MGLL: variants seen among roughly 807,000 people sequenced by gnomAD.
MGLL encodes the protein lysophospholipase homolog.
MGLL carries 7 observed loss-of-function variants against 29.1 expected under a neutral mutation model. That is an observed-to-expected ratio of 0.24 (90% CI 0.14 to 0.45). The LOEUF is 0.45. MGLL is among the 20% of genes least tolerant of loss of function. MGLL has a pLI of 0.99. For missense variants in MGLL, 356 were observed against 413.6 expected (o/e 0.86, Z 1.21); for synonymous variants, 148 against 168.3 (o/e 0.88, Z 0.93).
At chr3:127,744,763 C>T (rs1181728934) in intron 3 of MGLL, among the ~76,000 whole-genome samples, 1 of 152,116 alleles carries the variant, frequency 6.6e-6, no homozygotes, top group East Asian at 1.9e-4. Context: ...CACCGCCGGA[C>T]ACGGTTTAAT....
intron 5 of MGLL, chr3:127,711,190 A>G (rs543598619): frequency 7.3e-5 from 14 of 191,738 alleles, no homozygotes; most frequent in African/African-American, 3.0e-4. Context: ...TGGCAGAGGG[A>G]AGGATTGCTG....
At chr3:127,798,418 G>A (rs373318234) in intron 2 of MGLL, among the ~76,000 whole-genome samples, 1 of 152,198 alleles carries the variant, frequency 6.6e-6, no homozygotes, top group East Asian at 1.9e-4. Flanking sequence ...GTACCCTGCT[G>A]GGACCCCAGG....
chr3:127,735,043 G>A (rs1319375876), intron 3 of MGLL, among the ~76,000 whole-genome samples: 1 of 152,268 alleles, frequency 6.6e-6, no homozygotes, highest in Non-Finnish European at 1.5e-5. Flanking sequence ...GGAGCCCGAC[G>A]TGGGAGTCTT....
At chr3:127,736,412 A>G in intron 3 of MGLL, 1 of 919,572 alleles carries the variant, frequency 1.1e-6, no homozygotes, top group Non-Finnish European at 1.3e-6. Flanking sequence ...AATGAGTCAC[A>G]AAGAGTAAAT....
intron 7 of MGLL, among the ~76,000 whole-genome samples, chr3:127,694,101 C>G (rs1454092142): frequency 6.6e-6 from 1 of 151,850 alleles, no homozygotes; most frequent in East Asian, 1.9e-4. Flanking sequence ...GAAACCCCAT[C>G]TGTACTAAAA....
chr3:127,772,290 T>A (rs2107696134), intron 3 of MGLL, among the ~76,000 whole-genome samples: 1 of 152,320 alleles, frequency 6.6e-6, no homozygotes, highest in South Asian at 2.1e-4. Context: ...AACCTCTAAG[T>A]GCAGACAGCA....
chr3:127,700,616 G>A (rs1005876305), intron 6 of MGLL, among the ~76,000 whole-genome samples: 2 of 152,154 alleles, frequency 1.3e-5, no homozygotes, highest in African/African-American at 4.8e-5. Context: ...TGGTGCAATG[G>A]ATGAATAAGC....
At chr3:127,725,799 C>T (rs1208461677) in intron 3 of MGLL, among the ~76,000 whole-genome samples, 1 of 152,152 alleles carries the variant, frequency 6.6e-6, no homozygotes, top group African/African-American at 2.4e-5. Context: ...GGCAAGGTGG[C>T]TCACATCTGT....
intron 3 of MGLL, among the ~76,000 whole-genome samples, chr3:127,746,191 C>T (rs1305353665): frequency 1.3e-5 from 2 of 152,138 alleles, no homozygotes; most frequent in African/African-American, 2.4e-5. Flanking sequence ...GGAATGAGCA[C>T]GTCCTCCTGA....
chr3:127,779,034 T>C (rs1014081073), intron 3 of MGLL, among the ~76,000 whole-genome samples: 2 of 152,174 alleles, frequency 1.3e-5, no homozygotes, highest in African/African-American at 4.8e-5. Context: ...GGACTACAGG[T>C]GTGAGCCATT....
At chr3:127,720,677 C>A (rs2075900832) in intron 5 of MGLL, among the ~76,000 whole-genome samples, 1 of 152,238 alleles carries the variant, frequency 6.6e-6, no homozygotes, top group Non-Finnish European at 1.5e-5. Flanking sequence ...GCCTGCAGTT[C>A]CACTCACTGT....
intron 5 of MGLL, among the ~76,000 whole-genome samples, chr3:127,718,126 G>A (rs1002379751): frequency 1.5e-4 from 23 of 151,920 alleles, no homozygotes; most frequent in Non-Finnish European, 1.5e-5. Flanking sequence ...ATTTAGGAGG[G>A]TGGGGGTGAT....
intron 3 of MGLL, among the ~76,000 whole-genome samples, chr3:127,763,863 G>C (rs1465689078): frequency 1.3e-5 from 2 of 152,186 alleles, no homozygotes; most frequent in African/African-American, 4.8e-5. Flanking sequence ...TAAGTTTACT[G>C]ATGTCGCCGT....
intron 6 of MGLL, among the ~76,000 whole-genome samples, chr3:127,700,209 C>A (rs2075452237): frequency 6.6e-6 from 1 of 152,162 alleles, no homozygotes; most frequent in Admixed American, 6.5e-5. Flanking sequence ...TAGAAACCTG[C>A]AGGAACCCTA....
intron 2 of MGLL, among the ~76,000 whole-genome samples, chr3:127,782,649 T>A (rs2077147482): frequency 6.6e-6 from 1 of 152,092 alleles, no homozygotes; most frequent in Non-Finnish European, 1.5e-5. Context: ...AGACCTATAT[T>A]CTTAGCAGAA....
chr3:127,776,569 G>A (rs2077040261), intron 3 of MGLL, among the ~76,000 whole-genome samples: 2 of 152,182 alleles, frequency 1.3e-5, no homozygotes. Context: ...GAGCCTGGAG[G>A]TGCCACACCC....
intron 6 of MGLL, among the ~76,000 whole-genome samples, chr3:127,704,533 T>G (rs929952485): frequency 9.9e-5 from 15 of 152,020 alleles, no homozygotes; most frequent in African/African-American, 3.1e-4. Context: ...TACAAGGAAT[T>G]TAAACAAATT....
At chr3:127,745,818 C>A (rs1174376470) in intron 3 of MGLL, among the ~76,000 whole-genome samples, 1 of 152,160 alleles carries the variant, frequency 6.6e-6, no homozygotes, top group Non-Finnish European at 1.5e-5. Context: ...CTGAAAGAGT[C>A]CCAGCCCCCA....
chr3:127,695,411 C>T (rs967837834), intron 6 of MGLL, among the ~76,000 whole-genome samples: 1 of 152,210 alleles, frequency 6.6e-6, no homozygotes, highest in South Asian at 2.1e-4. Context: ...GTTTCACATA[C>T]ACATGGGTGC....
Sources: gnomAD v4.1 joint callset for allele counts (sites outside exome capture counted in the v4.1 genomes callset) on GRCh38, gnomAD v4.1.1 for gene constraint, MANE v1.5 for transcripts, NCBI Gene and HGNC (gene_info 2026-07-23, HGNC 2026-07-21) for gene names.